Variants in DNM3 observed in about 807,000 individuals in gnomAD.
DNM3 encodes dynamin 3, also known as dynamin-3.
In DNM3, 47 loss-of-function variants were observed where a neutral mutation model predicts 101.6. That is an observed-to-expected ratio of 0.46 (90% CI 0.37 to 0.59). The LOEUF (loss-of-function observed/expected upper bound fraction) is 0.59. DNM3 is among the 20% of genes least tolerant of loss of function. The pLI is 0.00. For missense variants in DNM3, 849 were observed against 1,085.7 expected (o/e 0.78, Z 3.06); for synonymous variants, 385 against 387.9 (o/e 0.99, Z 0.09).
intron 17 of DNM3, among the ~76,000 whole-genome samples, chr1:172,345,872 A>G (rs879454543): frequency 2.6e-5 from 4 of 152,120 alleles, no homozygotes; most frequent in Admixed American, 2.0e-4. Context: ...CCTAACAAGC[A>G]AAGATGTAGA....
chr1:171,972,951 G>C (rs2044120222), intron 2 of DNM3, among the ~76,000 whole-genome samples: 1 of 152,186 alleles, frequency 6.6e-6, no homozygotes, highest in Admixed American at 6.5e-5. Context: ...ATACCCTGAA[G>C]TTATTTGCAC....
intron 17 of DNM3, among the ~76,000 whole-genome samples, chr1:172,344,040 G>C (rs139792380): frequency 2.6e-5 from 4 of 152,216 alleles, no homozygotes; most frequent in Admixed American, 2.6e-4. Context: ...GGGCTGCTTT[G>C]CCTTCATCTG....
chr1:172,236,357 G>C (rs2061545415), intron 14 of DNM3, among the ~76,000 whole-genome samples: 1 of 152,120 alleles, frequency 6.6e-6, no homozygotes, highest in African/African-American at 2.4e-5. Flanking sequence ...TTCAAGAATT[G>C]AGACTTTTTC....
At chr1:172,403,332 G>A (rs990399415) in intron 20 of DNM3, among the ~76,000 whole-genome samples, 1 of 152,068 alleles carries the variant, frequency 6.6e-6, no homozygotes, top group African/African-American at 2.4e-5. Context: ...TAGAGGAAAG[G>A]TGGTTTTCAC....
At chr1:171,859,501 A>G (rs998206050) in intron 1 of DNM3, among the ~76,000 whole-genome samples, 2 of 152,134 alleles carry the variant, frequency 1.3e-5, no homozygotes, top group African/African-American at 4.8e-5. Context: ...CAATGCATTA[A>G]TCTACAAATA....
Position 171,905,936 on chromosome 1 carries a change from G to A in DNM3, c.162-15812G>A, listed in dbSNP as rs141825980. Among the ~76,000 whole-genome samples, 13 of 152,118 alleles carry A rather than the reference G, an allele frequency of 8.5e-5. 1 individual carries two copies. In the East Asian group the frequency reaches 2.3e-3, roughly 27 times the overall value. On this transcript the variant is annotated intron_variant, in intron 1 of 20. Coordinates refer to ENST00000627582, the MANE Select transcript of DNM3 (RefSeq NM_015569.5). ...TTCCAGGAGGTGGCCCTCTACTGAT[G>A]TAAGCAGACTGTGATTTAGTATGTG...
At chr1:172,306,687 G>C (rs1054296685) in intron 15 of DNM3, among the ~76,000 whole-genome samples, 3 of 152,126 alleles carry the variant, frequency 2.0e-5, no homozygotes, top group African/African-American at 7.2e-5. Flanking sequence ...CAGAGATATA[G>C]ACCAATGGGA....
At chr1:172,236,025 T>C (rs73046977) in intron 14 of DNM3, among the ~76,000 whole-genome samples, 6,691 of 152,192 alleles carry the variant, frequency 0.044, 452 homozygotes, top group African/African-American at 0.14. Flanking sequence ...TTGTTAGCTA[T>C]TGGGGCCATA....
At chr1:172,044,495 A>G in intron 9 of DNM3, 43 bp downstream of exon 9, 1 of 1,509,836 alleles carries the variant, frequency 6.6e-7, no homozygotes, top group African/African-American at 1.4e-5. Context: ...CAAGCTACCA[A>G]AAGAAAATTA....
At chr1:171,944,377 ATTTATTTG>A (rs1270081644) in intron 2 of DNM3, among the ~76,000 whole-genome samples, 2 of 140,278 alleles carry the variant, frequency 1.4e-5, no homozygotes, top group Non-Finnish European at 3.0e-5. Flanking sequence ...TTATTTATTT[ATTTATTTG>A]TTTATTTATA....
intron 15 of DNM3, among the ~76,000 whole-genome samples, chr1:172,306,708 G>A (rs1260697149): frequency 1.3e-5 from 2 of 152,026 alleles, no homozygotes; most frequent in Non-Finnish European, 2.9e-5. Flanking sequence ...CAGAACAGAG[G>A]CCTCAGCAAT....
chr1:172,208,267 G>T (rs942664151), intron 14 of DNM3, among the ~76,000 whole-genome samples: 9 of 152,168 alleles, frequency 5.9e-5, no homozygotes, highest in Non-Finnish European at 1.2e-4. Context: ...TCTAAAATCA[G>T]TCCTCATGTA....
chr1:171,852,686 T>C (rs1166651338), intron 1 of DNM3, among the ~76,000 whole-genome samples: 1 of 152,184 alleles, frequency 6.6e-6, no homozygotes, highest in East Asian at 1.9e-4. Context: ...AACAAATGGG[T>C]GAATGTTACA....
chr1:172,277,692 T>C (rs1001983720), intron 15 of DNM3, among the ~76,000 whole-genome samples: 1 of 152,024 alleles, frequency 6.6e-6, no homozygotes, highest in Non-Finnish European at 1.5e-5. Context: ...AAATAATTGA[T>C]GAGGTAAGAG....
At chr1:172,306,914 C>T (rs892997594) in intron 15 of DNM3, among the ~76,000 whole-genome samples, 4 of 151,998 alleles carry the variant, frequency 2.6e-5, no homozygotes, top group African/African-American at 9.7e-5. Flanking sequence ...GACCTAAAAC[C>T]ATAAAAACCC....
chr1:172,044,919 A>G (rs576875355), intron 9 of DNM3, among the ~76,000 whole-genome samples: 5 of 152,136 alleles, frequency 3.3e-5, no homozygotes, highest in Non-Finnish European at 7.4e-5. Flanking sequence ...TTGTGTGTGC[A>G]TGTGTGCTTG....
At chr1:171,891,599 T>C (rs2037288579) in intron 1 of DNM3, among the ~76,000 whole-genome samples, 1 of 152,094 alleles carries the variant, frequency 6.6e-6, no homozygotes, top group African/African-American at 2.4e-5. Flanking sequence ...TCTTCTTAGA[T>C]GTGACAATTT....
At position 171,896,105 on chromosome 1, in the gene DNM3, T is replaced by A. The variant is rs558270499; in HGVS notation, c.162-25643T>A. 2.6e-5 allele frequency among the ~76,000 whole-genome samples: 4 copies of A among 152,350 alleles called. No individual in the cohort carries two copies. The South Asian group carries it at 8.3e-4, about 32-fold the overall frequency. On this transcript the variant is annotated intron_variant, in intron 1 of 20. Transcript: ENST00000627582. Reference sequence around the variant, plus strand: ...CCAACTTTGTTCTTTTTGCTTAGGATTGTCTTGGCAATGCGGGCTCCTTTT... The same window carrying A: ...CCAACTTTGTTCTTTTTGCTTAGGAATGTCTTGGCAATGCGGGCTCCTTTT...
At chr1:172,099,855 C>T (rs577176011) in intron 13 of DNM3, among the ~76,000 whole-genome samples, 5 of 152,142 alleles carry the variant, frequency 3.3e-5, no homozygotes, top group Admixed American at 6.5e-5. Context: ...ACATTGTCTT[C>T]GGAAGGTGTG....
Sources: gnomAD v4.1 joint callset for allele counts (sites outside exome capture counted in the v4.1 genomes callset) on GRCh38, gnomAD v4.1.1 for gene constraint, MANE v1.5 for transcripts, NCBI Gene and HGNC (gene_info 2026-07-23, HGNC 2026-07-21) for gene names.